The following HSH2D variants were observed in gnomAD, a reference collection of about 807,000 sequenced individuals.
HSH2D encodes hematopoietic SH2 domain-containing protein.
Under a neutral mutation model 21.5 loss-of-function variants are expected in HSH2D, and 16 were observed. That is an observed-to-expected ratio of 0.74 (90% confidence interval 0.50 to 1.13). HSH2D has a LOEUF of 1.13. Ranked by LOEUF, HSH2D falls within the 50% of genes most tolerant of loss-of-function variation. The probability of loss-of-function intolerance (pLI) is 0.00; values close to 1 mark genes in which losing one functional copy is unlikely to be tolerated. For missense variants in HSH2D, 418 were observed against 441.4 expected (o/e 0.95, Z 0.47); for synonymous variants, 172 against 184.7 (o/e 0.93, Z 0.56).
Position 16,157,444 on chromosome 19 carries a change from C to G in HSH2D, c.709C>G (p.Arg237Gly). Residue 237 changes from arginine (R) to glycine (G), a missense_variant, in exon 6 of 6, where the codon CGG (arginine) becomes GGG (glycine). Physicochemically the swap from Arg to Gly is moderately radical, Grantham distance 125 (BLOSUM62 -2). Coordinates refer to ENST00000613986, the MANE Select transcript of HSH2D (RefSeq NM_001382417.1). This position sits in a 1 kb window ranked among gnomAD's most constrained non-coding sequence, Gnocchi z 4.4. ...TVNLSSLLDV[R>G]RSTVISGPGT... The stretch of plus-strand genomic sequence containing the variant: ...GAACTTGTCGTCACTCTTGGATGTC[C>G]GGAGATCCACGGTGATCTCAGGCCC... 1 of 1,613,862 alleles carries G rather than the reference C, an allele frequency of 6.2e-7. No individual in the cohort carries two copies. Among genetic ancestry groups the G allele is most frequent in the Admixed American group, 1.7e-5 (1 of 59,994 alleles).
At chr19:16,152,732 A>C in intron 3 of HSH2D, 91 bp downstream of exon 3, 3 of 942,080 alleles carry the variant, frequency 3.2e-6, no homozygotes, top group Non-Finnish European at 5.1e-6. Context: ...ATAGCTTCTC[A>C]GAAAGCAGCA....
upstream of HSH2D, among the ~76,000 whole-genome samples, chr19:16,140,180 G>A (rs2090990627): frequency 6.6e-6 from 1 of 152,152 alleles, no homozygotes; most frequent in Non-Finnish European, 1.5e-5. Flanking sequence ...GCTCATGCCT[G>A]TAATGCCAGC....
At chr19:16,141,452 G>A (rs549326620), upstream of HSH2D, among the ~76,000 whole-genome samples, 86 of 152,322 alleles carry the variant, frequency 5.6e-4, no homozygotes, top group African/African-American at 1.9e-3. Context: ...CACGGCCAGA[G>A]CTGGCCAATC....
chr19:16,142,500 G>T (rs550819145), upstream of HSH2D, among the ~76,000 whole-genome samples: 10 of 152,104 alleles, frequency 6.6e-5, no homozygotes, highest in East Asian at 1.9e-3. Flanking sequence ...TTACACTCTC[G>T]CTGCCCAGGC....
At chr19:16,156,413 G>T (rs186048712) in intron 5 of HSH2D, among the ~76,000 whole-genome samples, 4 of 151,968 alleles carry the variant, frequency 2.6e-5, no homozygotes, top group Admixed American at 2.6e-4. Context: ...CAAACTCCTG[G>T]CCTCAAAAAA....
Position 16,146,829 on chromosome 19 carries a change from CT to C in HSH2D, c.-27-1881del, listed in dbSNP as rs112913701. On this transcript the variant is annotated intron_variant, in intron 1 of 5. Transcript: ENST00000613986. ...TTACTTAATATTTAAATACTCTACT[CT>C]TTTTTTTTTTTTTGAGATGGAGTCT... Among the ~76,000 whole-genome samples, 460 of 143,494 alleles carry C rather than the reference CT, an allele frequency of 3.2e-3. 1 individual carries two copies. The highest frequency in any genetic ancestry group is 7.5e-3 in the African/African-American group (296 of 39,274). 94.1% of individuals were successfully genotyped at this position (143,494 alleles called of 152,430 possible).
At position 16,157,422 on chromosome 19, in the gene HSH2D, C is replaced by G. The variant is rs764938553; in HGVS notation, c.687C>G (p.Asn229Lys). Reference sequence around the variant, plus strand: ...TAAAAAGCCACCTCGCCACTGTGAACTTGTCGTCACTCTTGGATGTCCGGA... The same window carrying G: ...TAAAAAGCCACCTCGCCACTGTGAAGTTGTCGTCACTCTTGGATGTCCGGA... ...QQLKSHLATV[N>K]LSSLLDVRRS... Residue 229 changes from asparagine (N) to lysine (K), a missense_variant, in exon 6 of 6, where the codon AAC becomes AAG. Physicochemically the swap from Asn to Lys is moderately conservative, Grantham distance 94. Transcript: ENST00000613986. This position sits in a 1 kb window ranked among gnomAD's most constrained non-coding sequence, Gnocchi z 4.4. 2 of 1,613,802 alleles carry G rather than the reference C, an allele frequency of 1.2e-6. No individual in the cohort carries two copies.
At chr19:16,145,840 CCA>C (rs2091060751) in intron 1 of HSH2D, among the ~76,000 whole-genome samples, 1 of 152,054 alleles carries the variant, frequency 6.6e-6, no homozygotes, top group Admixed American at 6.6e-5. Context: ...CTTTGGGAGG[CCA>C]AGGTGGGTGG....
At chr19:16,144,973 T>C (rs2145026426) in intron 1 of HSH2D, among the ~76,000 whole-genome samples, 1 of 150,996 alleles carries the variant, frequency 6.6e-6, no homozygotes, top group South Asian at 2.1e-4. Context: ...ATTACAGGCA[T>C]GAGCCACCGC....
At position 16,153,177 on chromosome 19, in the gene HSH2D, G is replaced by A. The variant is rs762512362; in HGVS notation, c.350G>A (p.Arg117His). Residue 117 changes from arginine to histidine, a missense_variant, in exon 4 of 6, where the codon CGC becomes CAC. Arg to His is a conservative substitution (Grantham distance 29). Coordinates refer to ENST00000613986, the MANE Select transcript of HSH2D (RefSeq NM_001382417.1). Reference protein sequence around the residue: ...TFHQQKPIEPRRELLTQPCRQ... With the variant: ...TFHQQKPIEPHRELLTQPCRQ... ...CACCAGCAGAAGCCAATTGAGCCGC[G>A]CAGGGAGCTGCTGACACAGCCCTGC... 1.3e-6 allele frequency: 2 copies of A among 1,561,130 alleles called. No homozygotes were observed. Among genetic ancestry groups the A allele is most frequent in the Middle Eastern group, 4.4e-4 (2 of 4,536 alleles).
intron 1 of HSH2D, among the ~76,000 whole-genome samples, chr19:16,144,590 G>C (rs2091038017): frequency 6.6e-6 from 1 of 151,582 alleles, no homozygotes; most frequent in South Asian, 2.1e-4. Context: ...GAAATACAGG[G>C]ACAGAGAGCC....
At chr19:16,141,837 T>C (rs2091001950), upstream of HSH2D, 1 of 152,016 alleles carries the variant, frequency 6.6e-6, no homozygotes, top group South Asian at 2.1e-4. Flanking sequence ...GGCAGGAGAG[T>C]CACTTGAACC....
chr19:16,152,181 G>A (rs1377327967), intron 2 of HSH2D, among the ~76,000 whole-genome samples: 3 of 150,518 alleles, frequency 2.0e-5, no homozygotes, highest in Non-Finnish European at 4.4e-5. Flanking sequence ...ACTTTGGGAG[G>A]CCGAGGTGGG....
At chr19:16,145,203 GTATTTTTATTTCA>G (rs2091051702) in intron 1 of HSH2D, among the ~76,000 whole-genome samples, 1 of 150,388 alleles carries the variant, frequency 6.6e-6, no homozygotes, top group South Asian at 2.1e-4. Flanking sequence ...TGTAAGTTTT[GTATTTTTATTTCA>G]TATTTATTTA....
chr19:16,146,398 A>G (rs1176681308), intron 1 of HSH2D, among the ~76,000 whole-genome samples: 3 of 152,200 alleles, frequency 2.0e-5, no homozygotes, highest in Non-Finnish European at 4.4e-5. Flanking sequence ...CAAGGCAGCC[A>G]GGCACTGTGG....
Position 16,146,645 on chromosome 19 carries a change from T to C in HSH2D, c.-27-2079T>C, listed in dbSNP as rs937322495. On this transcript the variant is annotated intron_variant, in intron 1 of 5. Transcript: ENST00000613986. ...GTGAGCATGAGCTGTGATTGCACCA[T>C]TGCACACTCCAGCCTCAGGAACAGA... 4.6e-5 allele frequency among the ~76,000 whole-genome samples: 7 copies of C among 151,884 alleles called. No homozygotes were observed. In the East Asian group the frequency reaches 1.4e-3, roughly 29 times the overall value.
intron 1 of HSH2D, among the ~76,000 whole-genome samples, chr19:16,146,244 G>A (rs527379008): frequency 3.9e-5 from 6 of 152,264 alleles, no homozygotes; most frequent in Admixed American, 1.3e-4. Context: ...CCATGGTACC[G>A]CTTGCTTAAA....
chr19:16,153,287 C>A, intron 4 of HSH2D, 79 bp downstream of exon 4: 1 of 1,302,938 alleles, frequency 7.7e-7, no homozygotes, highest in African/African-American at 1.5e-5. Context: ...CCCACGCCCC[C>A]ATCAGCTCCT....
At chr19:16,156,790 C>G (rs1376402995) in intron 5 of HSH2D, among the ~76,000 whole-genome samples, 1 of 152,112 alleles carries the variant, frequency 6.6e-6, no homozygotes, top group Non-Finnish European at 1.5e-5. Flanking sequence ...GAGTTCAAGA[C>G]CACCAGGGCC....
Sources: gnomAD v4.1 joint callset for allele counts (sites outside exome capture counted in the v4.1 genomes callset) on GRCh38, gnomAD v4.1.1 for gene constraint, Gnocchi (gnomAD v3.1) non-coding constraint, MANE v1.5 for transcripts, NCBI Gene and HGNC (gene_info 2026-07-23, HGNC 2026-07-21) for gene names.